Variants in MCPH1 observed in about 807,000 individuals in gnomAD.
MCPH1 encodes microcephalin 1.
Under a neutral mutation model 84.5 loss-of-function variants are expected in MCPH1, and 104 were observed. That is an observed-to-expected ratio of 1.23 (90% confidence interval 1.05 to 1.45). MCPH1 has a LOEUF of 1.45. MCPH1 is among the 40% of genes most tolerant of loss of function. The pLI is 0.00. For synonymous variants in MCPH1, 514 were observed against 366.8 expected, an observed-to-expected ratio of 1.40 and a Z score of -4.58; for missense variants, 1,498 against 1,005.7, an observed-to-expected ratio of 1.49 and a Z score of -6.62.
intron 12 of MCPH1, among the ~76,000 whole-genome samples, chr8:6,611,820 G>C (rs995688638): frequency 6.6e-6 from 1 of 151,902 alleles, no homozygotes; most frequent in Non-Finnish European, 1.5e-5. Flanking sequence ...GGGTTTCACC[G>C]TGTTAGCCAG....
chr8:6,447,044 C>G (rs1804495946), intron 8 of MCPH1: 16 of 985,268 alleles, frequency 1.6e-5, no homozygotes, highest in Non-Finnish European at 1.8e-5. Context: ...AGAAAACATT[C>G]TGTGTGCGCT....
chr8:6,447,473 A>G, intron 8 of MCPH1: 2 of 952,120 alleles, frequency 2.1e-6, no homozygotes, highest in Non-Finnish European at 2.5e-6. Flanking sequence ...AAAGGCTTCA[A>G]AAACAAGTTA....
chr8:6,642,557 C>A (rs537825557), intron 13 of MCPH1: 12 of 266,376 alleles, frequency 4.5e-5, no homozygotes, highest in Non-Finnish European at 7.4e-5. Context: ...GATAGCACGG[C>A]CTACCTCTCA....
chr8:6,451,228 G>A (rs1047081867), intron 8 of MCPH1, among the ~76,000 whole-genome samples: 4 of 152,112 alleles, frequency 2.6e-5, no homozygotes, highest in African/African-American at 4.8e-5. Context: ...ACTTGATGTG[G>A]GTTAGTCAGT....
intron 3 of MCPH1, among the ~76,000 whole-genome samples, chr8:6,423,294 A>G (rs1800537175): frequency 1.4e-5 from 2 of 140,202 alleles, no homozygotes; most frequent in Admixed American, 1.6e-4. Context: ...CCTCCTGAGT[A>G]GCTGGGACTA....
chr8:6,497,860 A>C (rs915379011), intron 11 of MCPH1, among the ~76,000 whole-genome samples: 2 of 152,226 alleles, frequency 1.3e-5, no homozygotes, highest in African/African-American at 2.4e-5. Flanking sequence ...ATTGATTTGA[A>C]CATAGGTACA....
chr8:6,508,371 C>T (rs552557731), intron 12 of MCPH1: 1 of 154,080 alleles, frequency 6.5e-6, no homozygotes, highest in Non-Finnish European at 1.4e-5. Flanking sequence ...TCGCTTGAGC[C>T]TGGGAGGCAG....
At position 6,435,554 on chromosome 8, in the gene MCPH1, C is replaced by G. The variant is rs930329441; in HGVS notation, c.322-494C>G. On this transcript the variant is annotated intron_variant, in intron 4 of 13. Coordinates refer to ENST00000344683, the MANE Select transcript of MCPH1 (RefSeq NM_024596.5). ...CTGATTGGATCATGGATTATGCCAT[C>G]AGGTGTTTACTCCTTAATTTGGCCC... is the stretch of plus-strand genomic sequence containing the variant. Among the ~76,000 whole-genome samples, 21 of 152,244 alleles carry G rather than the reference C, an allele frequency of 1.4e-4. 2 individuals are homozygous for G. Among genetic ancestry groups the G allele is most frequent in the African/African-American group, 4.8e-4 (20 of 41,526 alleles).
chr8:6,625,080 G>T, intron 13 of MCPH1: 1 of 612,928 alleles, frequency 1.6e-6, no homozygotes, highest in Non-Finnish European at 2.0e-6. Context: ...TCACCATGTT[G>T]GCCAGGCTGG....
chr8:6,596,350 T>A (rs946441837), intron 12 of MCPH1, among the ~76,000 whole-genome samples: 5 of 152,190 alleles, frequency 3.3e-5, no homozygotes, highest in African/African-American at 1.2e-4. Flanking sequence ...AGTGGGTCTA[T>A]GGCACAGCCC....
intron 12 of MCPH1, 161 bp from the exon 13 acceptor site, chr8:6,621,293 A>T: frequency 1.1e-6 from 1 of 888,314 alleles, no homozygotes; most frequent in Admixed American, 2.1e-5. Flanking sequence ...TAATGTCATC[A>T]TCTTCTCTGG....
chr8:6,528,446 T>A (rs1818796593), intron 12 of MCPH1, among the ~76,000 whole-genome samples: 1 of 152,244 alleles, frequency 6.6e-6, no homozygotes, highest in African/African-American at 2.4e-5. Context: ...AAAATATAGA[T>A]AATTTTTAGC....
chr8:6,431,603 A>C lies in MCPH1; in HGVS notation c.321+17A>C. ...AAAAAAAAAGTAAGTACATGATTTC[A>C]ATGTAGATAATGGCAATTAGGAATT... On this transcript the variant is annotated intron_variant, in intron 4 of 13. Transcript: ENST00000344683. The C allele has an allele frequency of 6.8e-7, 1 of 1,461,670 alleles. No individual in the cohort carries two copies. The highest frequency in any genetic ancestry group is 9.5e-7 in the Non-Finnish European group (1 of 1,047,230). The allele number at this position is 1,461,670 out of a possible 1,614,324, so 90.5% of individuals were successfully genotyped here. A position where few individuals can be genotyped will look rare whatever the true frequency, so the allele number is the denominator to read the frequency against.
chr8:6,431,002 T>C (rs1801754820), intron 3 of MCPH1, among the ~76,000 whole-genome samples: 1 of 152,148 alleles, frequency 6.6e-6, no homozygotes, highest in Non-Finnish European at 1.5e-5. Flanking sequence ...GGCTTGGCAA[T>C]GCGGAGCATT....
At chr8:6,479,410 T>TTATTTATC (rs1402679952) in intron 10 of MCPH1, among the ~76,000 whole-genome samples, 4 of 14,420 alleles carry the variant, frequency 2.8e-4, no homozygotes, top group African/African-American at 3.3e-4. Context: ...TTCTATTTAT[T>TTATTTATC]TATTTATTTA....
intron 13 of MCPH1, among the ~76,000 whole-genome samples, chr8:6,637,852 T>C (rs1797671455): frequency 6.6e-6 from 1 of 152,096 alleles, no homozygotes; most frequent in South Asian, 2.1e-4. Flanking sequence ...ACCAGGGACG[T>C]ATCGATGGAG....
rs371143978 is a variant in MCPH1 at position 6,646,902 on chromosome 8, A to C, written c.*3853A>C. ...AATCATTCTGACCTCAGGTTAGGCA[A>C]AGCTTTCTTAGATATGACACTAAAG... On this transcript the variant is annotated 3_prime_UTR_variant, in exon 14 of 14. Transcript: ENST00000344683. 74 of 152,348 alleles carry C rather than the reference A, an allele frequency of 4.9e-4. No homozygotes were observed. The highest frequency in any genetic ancestry group is 1.7e-3 in the African/African-American group (69 of 41,570). 9.4% of individuals were successfully genotyped at this position (152,348 alleles called of 1,614,324 possible).
chr8:6,625,728 G>C (rs557386254), intron 13 of MCPH1: 3 of 977,674 alleles, frequency 3.1e-6, no homozygotes, highest in Non-Finnish European at 3.6e-6. Context: ...AGGCTGCGGT[G>C]AGCAACGATC....
At chr8:6,511,625 C>G (rs1386497795) in intron 12 of MCPH1, among the ~76,000 whole-genome samples, 3 of 152,260 alleles carry the variant, frequency 2.0e-5, no homozygotes, top group East Asian at 1.9e-4. Flanking sequence ...GTTTCAGTCC[C>G]TTCACAGTTC....
Sources: allele counts gnomAD v4.1 joint callset (sites outside exome capture counted in the v4.1 genomes callset), GRCh38; gene constraint gnomAD v4.1.1; transcripts MANE v1.5; gene names NCBI Gene and HGNC (gene_info 2026-07-23, HGNC 2026-07-21).